Variants in FREM1 observed in about 807,000 individuals in gnomAD.
FREM1 encodes the protein FRAS1 related extracellular matrix 1, also known as FRAS1-related extracellular matrix protein 1.
FREM1 carries 220 observed loss-of-function variants against 210.1 expected under a neutral mutation model. The observed-to-expected ratio is 1.05, with a 90% CI of 0.94 to 1.17. The LOEUF is 1.17. FREM1 is among the 50% of genes most tolerant of loss of function. The pLI, the probability that FREM1 is intolerant of heterozygous loss-of-function variation, is 0.00. For synonymous variants in FREM1, 1,189 were observed against 980.2 expected (o/e 1.21, Z -3.98); for missense variants, 3,454 against 2,675.5 (o/e 1.29, Z -6.42).
In FREM1 at chr9:14,747,367, G is replaced by C; in HGVS notation, c.5906C>G (p.Ala1969Gly). ...TGGCTGACTAATGATGGATACTTTG[G>C]CCTTCCTTTTGTGAGTTGGGAAACT... ...DDSFPTHKRK[A>G]KVSIISQPQK... Residue 1969 changes from alanine (A) to glycine (G), a missense_variant, in exon 33 of 37, where the codon GCC becomes GGC. Physicochemically the swap from Ala to Gly is moderately conservative, Grantham distance 60 (BLOSUM62 0). Transcript: ENST00000380880. 1 of 1,613,566 alleles carries C rather than the reference G, an allele frequency of 6.2e-7. No homozygotes were observed. Among genetic ancestry groups the C allele is most frequent in the Non-Finnish European group, 8.5e-7 (1 of 1,179,674 alleles).
intron 26 of FREM1, among the ~76,000 whole-genome samples, chr9:14,770,392 T>C (rs1441427652): frequency 1.3e-5 from 2 of 152,174 alleles, no homozygotes; most frequent in Non-Finnish European, 2.9e-5. Context: ...TAAACAGTTG[T>C]ATATCAGTAT....
chr9:14,756,143 T>C (rs185515787), intron 29 of FREM1, among the ~76,000 whole-genome samples: 11 of 152,302 alleles, frequency 7.2e-5, no homozygotes, highest in Middle Eastern at 3.4e-3. Context: ...TCATATTTAT[T>C]ATAATCTTTC....
intron 21 of FREM1, among the ~76,000 whole-genome samples, chr9:14,795,436 A>G (rs1224577461): frequency 1.3e-5 from 2 of 152,222 alleles, no homozygotes; most frequent in Non-Finnish European, 2.9e-5. Context: ...ATGAAAAGGG[A>G]GAGACTGAAG....
chr9:14,828,334 G>A (rs988453971), intron 10 of FREM1, among the ~76,000 whole-genome samples: 3 of 152,110 alleles, frequency 2.0e-5, no homozygotes, highest in African/African-American at 7.2e-5. Flanking sequence ...GTTGAGTTTT[G>A]GATCCTTTCT....
At chr9:14,848,596 T>C in intron 7 of FREM1, 69 bp downstream of exon 7, 1 of 869,058 alleles carries the variant, frequency 1.2e-6, no homozygotes, top group Non-Finnish European at 1.8e-6. Context: ...TACCTTTCTT[T>C]CCTGACCCAT....
At chr9:14,849,677 T>C (rs759654455) in intron 6 of FREM1, among the ~76,000 whole-genome samples, 3 of 152,206 alleles carry the variant, frequency 2.0e-5, no homozygotes, top group Non-Finnish European at 4.4e-5. Flanking sequence ...GTGTCTTTTT[T>C]GGAGGGGTAA....
chr9:14,751,784 C>G (rs887603319), intron 29 of FREM1: 2 of 152,102 alleles, frequency 1.3e-5, no homozygotes, highest in African/African-American at 4.8e-5. Context: ...ATGATCTAAT[C>G]AGTCTCTTCA....
intron 20 of FREM1, among the ~76,000 whole-genome samples, chr9:14,798,452 AT>A (rs1314233475): frequency 5.3e-5 from 8 of 149,818 alleles, no homozygotes; most frequent in East Asian, 2.0e-4. Flanking sequence ...CTTTAAAAGA[AT>A]TTTTTTTTTG....
intron 16 of FREM1, among the ~76,000 whole-genome samples, chr9:14,808,998 G>A (rs750367683): frequency 5.9e-5 from 9 of 152,124 alleles, no homozygotes; most frequent in East Asian, 1.9e-4. Flanking sequence ...TTGTTCCCCC[G>A]CTCAAATCTC....
chr9:14,747,133 T>C (rs1842604574), intron 33 of FREM1, 82 bp from the exon 34 acceptor site: 5 of 1,597,550 alleles, frequency 3.1e-6, no homozygotes, highest in Non-Finnish European at 4.3e-6. Flanking sequence ...TGGGTCTTCA[T>C]TTGTTGGGAA....
chr9:14,840,767 A>T (rs1182256266), intron 10 of FREM1, among the ~76,000 whole-genome samples: 2 of 152,170 alleles, frequency 1.3e-5, no homozygotes, highest in African/African-American at 4.8e-5. Context: ...TCTCCTTTCA[A>T]GGAGTCTACT....
intron 5 of FREM1, among the ~76,000 whole-genome samples, chr9:14,856,638 C>T (rs910128395): frequency 4.6e-5 from 7 of 151,992 alleles, no homozygotes; most frequent in Non-Finnish European, 8.8e-5. Context: ...TTGAGACCAT[C>T]CTGGCTAACA....
intron 29 of FREM1, among the ~76,000 whole-genome samples, chr9:14,755,232 A>T (rs1035417977): frequency 8.5e-5 from 13 of 152,224 alleles, no homozygotes; most frequent in African/African-American, 2.9e-4. Context: ...CACAGTCCTC[A>T]AGCATCATGC....
At chr9:14,871,153 T>C (rs201077797) in intron 1 of FREM1, among the ~76,000 whole-genome samples, 5 of 152,070 alleles carry the variant, frequency 3.3e-5, no homozygotes, top group Non-Finnish European at 7.4e-5. Flanking sequence ...GATTTATAGT[T>C]CTTTGGGTAT....
chr9:14,788,692 A>T (rs760976459), intron 23 of FREM1, among the ~76,000 whole-genome samples: 6 of 152,078 alleles, frequency 3.9e-5, no homozygotes, highest in Non-Finnish European at 8.8e-5. Context: ...TTTCCAATAA[A>T]CTTTTTAAAA....
intron 27 of FREM1, among the ~76,000 whole-genome samples, chr9:14,765,822 G>C (rs1367159829): frequency 3.9e-5 from 6 of 152,196 alleles, no homozygotes; most frequent in Admixed American, 1.3e-4. Context: ...AAAGACTTCT[G>C]CATTCAACAT....
chr9:14,901,033 C>T (rs1838696077), intron 1 of FREM1, among the ~76,000 whole-genome samples: 1 of 152,126 alleles, frequency 6.6e-6, no homozygotes, highest in Non-Finnish European at 1.5e-5. Flanking sequence ...ATTTCTGTTG[C>T]ATTTTAACTT....
chr9:14,851,531 A>G lies in FREM1; in HGVS notation c.905T>C (p.Val302Ala), dbSNP rs1827754468. The G allele has an allele frequency of 6.2e-7, 1 of 1,613,862 alleles. No homozygotes were observed. Among genetic ancestry groups the G allele is most frequent in the East Asian group, 2.2e-5 (1 of 44,894 alleles). ...GAACTGATCCACTTCCAGAATAAAC[A>G]CGGCCATGAATGCAGCCTTTGGAAT... The part of the protein sequence containing the change: ...NQIPKAAFMA[V>A]FILEVDQFIL... The change falls in exon 6 of 37, where the codon GTG becomes GCG. Residue 302 changes from valine to alanine, a missense_variant. By Grantham distance (64) the Val-to-Ala change is moderately conservative. Coordinates refer to ENST00000380880, the MANE Select transcript of FREM1 (RefSeq NM_001379081.2).
At chr9:14,876,061 C>T (rs1396068903) in intron 1 of FREM1, among the ~76,000 whole-genome samples, 4 of 151,746 alleles carry the variant, frequency 2.6e-5, no homozygotes, top group African/African-American at 4.8e-5. Context: ...AGTACCCGGC[C>T]GTGTGAGGTG....
Sources: gnomAD v4.1 joint callset for allele counts (sites outside exome capture counted in the v4.1 genomes callset) on GRCh38, gnomAD v4.1.1 for gene constraint, MANE v1.5 for transcripts, NCBI Gene and HGNC (gene_info 2026-07-23, HGNC 2026-07-21) for gene names.